Variants in RNF185 observed in about 807,000 individuals in gnomAD.
The protein encoded by RNF185 is ring finger protein 185.
RNF185 carries 13 observed loss-of-function variants against 24.9 expected under a neutral mutation model. The observed-to-expected ratio is 0.52, with a 90% confidence interval of 0.34 to 0.83. The LOEUF (loss-of-function observed/expected upper bound fraction) is 0.83. RNF185 is among the 40% of genes least tolerant of loss of function. The pLI is 0.01. For missense variants in RNF185, 184 were observed against 244.7 expected (o/e 0.75, Z 1.65); for synonymous variants, 79 against 90.3 (o/e 0.88, Z 0.71).
At chr22:31,180,109 C>A (rs756227269) in intron 1 of RNF185, among the ~76,000 whole-genome samples, 4 of 22,432 alleles carry the variant, frequency 1.8e-4, no homozygotes, top group East Asian at 1.1e-3. Context: ...CAGAACATGG[C>A]GGGGGGGTGG....
intron 1 of RNF185, among the ~76,000 whole-genome samples, chr22:31,171,775 C>G (rs908633427): frequency 6.6e-6 from 1 of 151,974 alleles, no homozygotes; most frequent in African/African-American, 2.4e-5. Context: ...TTGAGACCAG[C>G]CTGACCAACA....
chr22:31,185,901 C>T lies in RNF185; in HGVS notation c.-48-1146C>T, dbSNP rs576180393. Among the ~76,000 whole-genome samples the T allele has an allele frequency of 2.0e-5, 3 of 152,256 alleles. No homozygotes were observed. In the South Asian group the frequency reaches 6.2e-4, roughly 32 times the overall value. On this transcript the variant is annotated intron_variant, in intron 1 of 6. Coordinates refer to ENST00000326132, the MANE Select transcript of RNF185 (RefSeq NM_152267.4). ...TTAGTATGTAGTGGTACGGTGCAAACAGGGTGTCCATGAGTCCCAGTCTCA... is the reference window on the plus strand; with the variant it reads ...TTAGTATGTAGTGGTACGGTGCAAATAGGGTGTCCATGAGTCCCAGTCTCA...
intron 2 of RNF185, among the ~76,000 whole-genome samples, chr22:31,189,307 T>TTTG (rs1310518122): frequency 4.4e-5 from 6 of 137,546 alleles, no homozygotes; most frequent in Non-Finnish European, 9.3e-5. Flanking sequence ...TTTTTTTTTT[T>TTTG]GTGGAGACAG....
intron 3 of RNF185, among the ~76,000 whole-genome samples, chr22:31,194,921 GAAAC>G (rs937781760): frequency 2.0e-5 from 3 of 152,012 alleles, no homozygotes; most frequent in African/African-American, 7.2e-5. Context: ...GCCCTAGAGA[GAAAC>G]AAAGCATGAA....
chr22:31,171,658 G>A (rs1310174049), intron 1 of RNF185, among the ~76,000 whole-genome samples: 5 of 152,144 alleles, frequency 3.3e-5, no homozygotes, highest in Admixed American at 6.6e-5. Flanking sequence ...GTTGGTCCTA[G>A]TCAGGACCTT....
intron 3 of RNF185, among the ~76,000 whole-genome samples, chr22:31,194,935 A>G (rs2048190367): frequency 6.6e-6 from 1 of 151,926 alleles, no homozygotes; most frequent in African/African-American, 2.4e-5. Flanking sequence ...CAAAGCATGA[A>G]GAAGCCTAAT....
At chr22:31,179,559 G>A (rs1467392179) in intron 1 of RNF185, among the ~76,000 whole-genome samples, 1 of 152,238 alleles carries the variant, frequency 6.6e-6, no homozygotes, top group Non-Finnish European at 1.5e-5. Context: ...GTGCCTGCTA[G>A]GATGAGGCTG....
intron 1 of RNF185, among the ~76,000 whole-genome samples, chr22:31,184,007 G>A (rs371567727): frequency 6.8e-6 from 1 of 147,630 alleles, no homozygotes; most frequent in African/African-American, 2.5e-5. Context: ...AGCTGGCCGG[G>A]CGGGGGCTGC....
At chr22:31,181,567 C>A (rs190017481) in intron 1 of RNF185, among the ~76,000 whole-genome samples, 2 of 152,012 alleles carry the variant, frequency 1.3e-5, no homozygotes, top group African/African-American at 4.8e-5. Flanking sequence ...ATGTTTATTG[C>A]GGGACTACTC....
At position 31,180,909 on chromosome 22, in the gene RNF185, CTCTCTCTGTGTG is replaced by C. The variant is rs1349817834; in HGVS notation, c.-48-6136_-48-6125del. Among the ~76,000 whole-genome samples, 795 of 128,834 alleles carry C rather than the reference CTCTCTCTGTGTG, an allele frequency of 6.2e-3. 6 individuals carry two copies. The highest frequency in any genetic ancestry group is 0.034 in the East Asian group (150 of 4,474). 84.5% of individuals were successfully genotyped at this position (128,834 alleles called of 152,430 possible). A position where few individuals can be genotyped will look rare whatever the true frequency, so the allele number is the denominator to read the frequency against. On this transcript the variant is annotated intron_variant, in intron 1 of 6. Coordinates refer to ENST00000326132, the MANE Select transcript of RNF185 (RefSeq NM_152267.4). ...TGTGTATTTTCTAGGCATTTTCTCTCTCTCTCTGTGTGTGTGTGTGTGTGTGTGTGTGTGTGT... is the reference window on the plus strand; with the variant it reads ...TGTGTATTTTCTAGGCATTTTCTCTCTGTGTGTGTGTGTGTGTGTGTGTGT...
chr22:31,189,236 AT>A (rs2147949564), intron 2 of RNF185, among the ~76,000 whole-genome samples: 1 of 139,982 alleles, frequency 7.1e-6, no homozygotes, highest in Non-Finnish European at 1.5e-5. Context: ...TATTTTATGT[AT>A]ATATTAACTA....
At chr22:31,176,507 T>C (rs1031548651) in intron 1 of RNF185, among the ~76,000 whole-genome samples, 5 of 143,332 alleles carry the variant, frequency 3.5e-5, no homozygotes, top group Non-Finnish European at 6.1e-5. Context: ...TTTTTTTTTT[T>C]AGACAGAGTC....
intron 6 of RNF185, among the ~76,000 whole-genome samples, chr22:31,202,329 A>G (rs1486625082): frequency 2.0e-5 from 3 of 152,158 alleles, no homozygotes; most frequent in Non-Finnish European, 4.4e-5. Context: ...CAGAGATGCC[A>G]TGATCGGTTG....
intron 4 of RNF185, 141 bp from the exon 5 acceptor site, chr22:31,196,795 A>T (rs1413959365): frequency 1.9e-6 from 2 of 1,073,186 alleles, no homozygotes; most frequent in African/African-American, 3.2e-5. Context: ...TCGTATTTGG[A>T]GAATTAATCT....
At chr22:31,179,341 C>T (rs915566648) in intron 1 of RNF185, among the ~76,000 whole-genome samples, 4 of 152,194 alleles carry the variant, frequency 2.6e-5, no homozygotes, top group Non-Finnish European at 5.9e-5. Context: ...AGACAATCCC[C>T]AGGGGAAGCT....
intron 1 of RNF185, among the ~76,000 whole-genome samples, chr22:31,160,804 G>A (rs1403553469): frequency 6.6e-6 from 1 of 152,138 alleles, no homozygotes; most frequent in Non-Finnish European, 1.5e-5. Context: ...TTCAAAATAT[G>A]GTTCTTACAC....
intron 6 of RNF185, among the ~76,000 whole-genome samples, chr22:31,203,688 CTTATTG>C (rs2048285032): frequency 6.6e-6 from 1 of 152,090 alleles, no homozygotes; most frequent in African/African-American, 2.4e-5. Flanking sequence ...GTGTCTTGTC[CTTATTG>C]TTATTGTTCC....
chr22:31,170,183 T>G (rs1349297712), intron 1 of RNF185, among the ~76,000 whole-genome samples: 2 of 149,532 alleles, frequency 1.3e-5, no homozygotes, highest in South Asian at 2.1e-4. Flanking sequence ...TGGTTTTTTG[T>G]TTTTTTTTTT....
rs149273244 is a variant in RNF185, at chr22:31,178,134, G to T, written c.-48-8913G>T. ...GTCCCAGCACCACATGTGTTGCCCT[G>T]GACATCTCAAAGTTAGGACTGTTTT... On this transcript the variant is annotated intron_variant, in intron 1 of 6. Transcript: ENST00000326132. Among the ~76,000 whole-genome samples, 241 of 152,310 alleles carry T rather than the reference G, an allele frequency of 1.6e-3. 1 individual carries two copies. The highest frequency in any genetic ancestry group is 4.8e-3 in the South Asian group (23 of 4,824).
Sources: gnomAD v4.1 joint callset for allele counts (sites outside exome capture counted in the v4.1 genomes callset) on GRCh38, gnomAD v4.1.1 for gene constraint, MANE v1.5 for transcripts, NCBI Gene and HGNC (gene_info 2026-07-23, HGNC 2026-07-21) for gene names.